DGUOK: variants seen among roughly 807,000 people sequenced by gnomAD.
The protein encoded by DGUOK is deoxyguanosine kinase, mitochondrial.
A neutral mutation model predicts 36.6 loss-of-function variants in DGUOK; 30 were observed. The observed-to-expected ratio is 0.82, with a 90% CI of 0.61 to 1.11. The LOEUF (loss-of-function observed/expected upper bound fraction) is 1.11. Ranked by LOEUF, DGUOK falls within the 50% of genes most tolerant of loss-of-function variation. The pLI, the probability that DGUOK is intolerant of heterozygous loss-of-function variation, is 0.00. For missense variants in DGUOK, 361 were observed against 336.4 expected, an observed-to-expected ratio of 1.07 and a Z score of -0.57; for synonymous variants, 145 against 126.3, an observed-to-expected ratio of 1.15 and a Z score of -0.99.
intron 1 of DGUOK, among the ~76,000 whole-genome samples, chr2:73,931,718 G>A (rs1444217465): frequency 6.6e-6 from 1 of 152,204 alleles, no homozygotes; most frequent in Non-Finnish European, 1.5e-5. Flanking sequence ...GTTTGCTGCA[G>A]TACCCATAGT....
chr2:73,951,101 T>A (rs1028465051), intron 4 of DGUOK, among the ~76,000 whole-genome samples: 1 of 150,806 alleles, frequency 6.6e-6, no homozygotes, highest in African/African-American at 2.4e-5. Context: ...GTCTCAGTGG[T>A]TTCCTTAGTA....
Position 73,946,811 on chromosome 2 carries a change from G to T in DGUOK, c.348G>T (p.Leu116Phe). ...WSYTFQTFSF[L>F]SRLKVQLEPF... is the part of the protein sequence containing the mutation. ...ACACATTCCAGACATTTTCCTTTTT[G>T]AGCCGCCTGAAAGTACAGCTGGAGC... The change falls in exon 3 of 7, where the codon TTG becomes TTT. Residue 116 changes from leucine to phenylalanine, a missense_variant. Coordinates refer to ENST00000264093, the MANE Select transcript of DGUOK (RefSeq NM_080916.3). 6.2e-6 allele frequency: 10 copies of T among 1,613,956 alleles called. No homozygotes were observed. The highest frequency in any genetic ancestry group is 7.6e-6 in the Non-Finnish European group (9 of 1,180,014).
At chr2:73,945,721 CT>C (rs1445934075) in intron 2 of DGUOK, among the ~76,000 whole-genome samples, 1 of 152,190 alleles carries the variant, frequency 6.6e-6, no homozygotes, top group Non-Finnish European at 1.5e-5. Context: ...ACAAAATTCA[CT>C]TTTGCATTGT....
At chr2:73,957,956 A>G (rs747467543) in intron 5 of DGUOK, 190 bp from the exon 6 acceptor site, 2 of 517,616 alleles carry the variant, frequency 3.9e-6, no homozygotes, top group Non-Finnish European at 7.1e-6. Context: ...GAATGAAGAG[A>G]AACCTCAACC....
chr2:73,947,269 G>A (rs940298), intron 3 of DGUOK: 168,866 of 249,490 alleles, frequency 0.68, 57,901 homozygotes, highest in Non-Finnish European at 0.69. Context: ...TAAGAAATCA[G>A]ATGATTCAGT....
intron 1 of DGUOK, among the ~76,000 whole-genome samples, chr2:73,929,207 C>G (rs1398028045): frequency 6.6e-6 from 1 of 152,202 alleles, no homozygotes; most frequent in African/African-American, 2.4e-5. Flanking sequence ...CTCCCAGGCT[C>G]AAGCCATCCT....
chr2:73,956,989 A>T, intron 4 of DGUOK, 136 bp from the exon 5 acceptor site: 2 of 557,108 alleles, frequency 3.6e-6, no homozygotes, highest in Non-Finnish European at 3.3e-6. Context: ...GCATAAGAAA[A>T]CAAGACAGCA....
chr2:73,957,305 A>G, intron 5 of DGUOK, 65 bp downstream of exon 5: 1 of 1,264,714 alleles, frequency 7.9e-7, no homozygotes, highest in Middle Eastern at 1.8e-4. Flanking sequence ...GTTGTTAAAA[A>G]CAAGTTCAGC....
intron 1 of DGUOK, chr2:73,932,798 G>A (rs6722482): frequency 0.049 from 19,831 of 401,514 alleles, 802 homozygotes; most frequent in African/African-American, 0.13. Flanking sequence ...GCAACTAATG[G>A]CATCTAGCAT....
At chr2:73,953,886 T>C (rs1682894606) in intron 4 of DGUOK, among the ~76,000 whole-genome samples, 1 of 151,082 alleles carries the variant, frequency 6.6e-6, no homozygotes, top group Non-Finnish European at 1.5e-5. Flanking sequence ...ACCCGGCTAA[T>C]TTTTTTTTGT....
At chr2:73,939,052 C>A in intron 2 of DGUOK, 30 bp downstream of exon 2, 1 of 1,391,744 alleles carries the variant, frequency 7.2e-7, no homozygotes, top group Non-Finnish European at 1.0e-6. Flanking sequence ...GGGTAGTTGG[C>A]AGGCATGGGT....
At chr2:73,955,834 A>C (rs1558667252) in intron 4 of DGUOK, among the ~76,000 whole-genome samples, 1 of 152,154 alleles carries the variant, frequency 6.6e-6, no homozygotes, top group Non-Finnish European at 1.5e-5. Flanking sequence ...AGATCGCGCC[A>C]CTGCACTCCA....
rs763775084 is a variant in DGUOK at position 73,932,631 on chromosome 2, C to G, written c.142+5579C>G. ...CTCAAGCAAATCAGAATGAGAGCAC[C>G]CATTCAGGAAACCTGAACAGGGAAG... On this transcript the variant is annotated intron_variant, in intron 1 of 6. Coordinates refer to ENST00000264093, the MANE Select transcript of DGUOK (RefSeq NM_080916.3). The G allele has an allele frequency of 3.1e-5, 40 of 1,298,008 alleles. 1 individual carries two copies. The highest frequency in any genetic ancestry group is 1.8e-4 in the African/African-American group (12 of 66,224). 80.4% of individuals were successfully genotyped at this position (1,298,008 alleles called of 1,614,324 possible). A position where few individuals can be genotyped will look rare whatever the true frequency, so the allele number is the denominator to read the frequency against.
chr2:73,939,172 G>T, intron 2 of DGUOK, 150 bp downstream of exon 2: 1 of 675,770 alleles, frequency 1.5e-6, no homozygotes, highest in Non-Finnish European at 2.7e-6. Flanking sequence ...ATACACCAGA[G>T]AGGATATGAC....
intron 1 of DGUOK, among the ~76,000 whole-genome samples, chr2:73,938,544 A>G (rs1028821216): frequency 6.6e-6 from 1 of 152,174 alleles, no homozygotes; most frequent in Non-Finnish European, 1.5e-5. Context: ...AAACTTAGAA[A>G]TTTTACACTG....
At chr2:73,957,985 TTTATTGAA>T (rs1367653206) in intron 5 of DGUOK, 153 bp from the exon 6 acceptor site, 1 of 601,916 alleles carries the variant, frequency 1.7e-6, no homozygotes, top group African/African-American at 1.9e-5. Context: ...TCCGGCCAAC[TTTATTGAA>T]TTTGTTTTTT....
intron 2 of DGUOK, among the ~76,000 whole-genome samples, chr2:73,946,441 T>C (rs927855492): frequency 1.3e-5 from 2 of 152,226 alleles, no homozygotes; most frequent in Non-Finnish European, 2.9e-5. Flanking sequence ...GTTAATTCTA[T>C]ATATGGTTCT....
chr2:73,953,260 G>GTGATGA (rs1311264802), intron 4 of DGUOK, among the ~76,000 whole-genome samples: 13 of 147,408 alleles, frequency 8.8e-5, no homozygotes, highest in African/African-American at 3.0e-4. Context: ...ATAGCAAATG[G>GTGATGA]TGATGATGAT....
At chr2:73,931,256 G>GT (rs1266041432) in intron 1 of DGUOK, among the ~76,000 whole-genome samples, 1 of 152,078 alleles carries the variant, frequency 6.6e-6, no homozygotes. Context: ...AACACATGCA[G>GT]TTTTTTGGGG....
Sources: gnomAD v4.1 joint callset for allele counts (sites outside exome capture counted in the v4.1 genomes callset) on GRCh38, gnomAD v4.1.1 for gene constraint, MANE v1.5 for transcripts, NCBI Gene and HGNC (gene_info 2026-07-23, HGNC 2026-07-21) for gene names.